GPHN: variants seen among roughly 807,000 people sequenced by gnomAD.
GPHN encodes the protein gephyrin.
Under a neutral mutation model 95.5 loss-of-function variants are expected in GPHN, and 17 were observed. The ratio of observed to expected loss-of-function variants is 0.18; its 90% CI spans 0.12 to 0.27. The LOEUF (loss-of-function observed/expected upper bound fraction) is 0.27. Among genes scored for constraint, GPHN ranks in the 10% least tolerant of loss-of-function variants. The probability of loss-of-function intolerance (pLI) is 1.00; values close to 1 mark genes in which losing one functional copy is unlikely to be tolerated. For missense variants in GPHN, 660 were observed against 978.1 expected (o/e 0.67, Z 4.34); for synonymous variants, 320 against 322.5 (o/e 0.99, Z 0.08).
the GPHN span, among the ~76,000 whole-genome samples, chr14:67,263,837 C>T: frequency 6.9e-6 from 1 of 144,728 alleles, no homozygotes; most frequent in South Asian, 2.3e-4. Flanking sequence ...ACTGCTTACT[C>T]AACCATTTAA....
chr14:66,997,473 G>A (rs550197268), intron 9 of GPHN, among the ~76,000 whole-genome samples: 1 of 151,182 alleles, frequency 6.6e-6, no homozygotes, highest in South Asian at 2.1e-4. Flanking sequence ...ATAGGCCACT[G>A]TAGCTACCAT....
the GPHN span, chr14:67,269,625 T>C: frequency 6.6e-6 from 1 of 152,642 alleles, no homozygotes; most frequent in East Asian, 1.9e-4. Flanking sequence ...GAATTAGTCT[T>C]TCTCTTCCTC....
chr14:67,337,191 G>A, the GPHN span, among the ~76,000 whole-genome samples: 1 of 152,200 alleles, frequency 6.6e-6, no homozygotes, highest in Non-Finnish European at 1.5e-5. Flanking sequence ...GATGTTAAAT[G>A]CTTGCAAAAT....
chr14:67,002,333 T>TTG (rs1375146054), intron 9 of GPHN, among the ~76,000 whole-genome samples: 2 of 142,402 alleles, frequency 1.4e-5, no homozygotes, highest in African/African-American at 5.2e-5. Context: ...TTTTTTTTTT[T>TTG]GGATACCTAG....
chr14:67,652,427 CACTA>C, the GPHN span: 2 of 185,196 alleles, frequency 1.1e-5, no homozygotes, highest in Non-Finnish European at 2.4e-5. Context: ...TATGCTGTTT[CACTA>C]ACTGAGAACC....
At chr14:66,734,972 A>G (rs1298745242) in intron 2 of GPHN, among the ~76,000 whole-genome samples, 1 of 152,348 alleles carries the variant, frequency 6.6e-6, no homozygotes, top group East Asian at 1.9e-4. Context: ...GTGTTAGGCA[A>G]GCTGTCTAGC....
At chr14:66,885,538 T>C (rs1201379375) in intron 5 of GPHN, among the ~76,000 whole-genome samples, 3 of 152,110 alleles carry the variant, frequency 2.0e-5, no homozygotes, top group Non-Finnish European at 4.4e-5. Flanking sequence ...TATTGTGGAT[T>C]ACTGCTTTAG....
the GPHN span, chr14:67,338,718 G>T: frequency 6.2e-7 from 1 of 1,613,524 alleles, no homozygotes; most frequent in South Asian, 1.1e-5. Context: ...GTCCTTCTCA[G>T]ATTTTTCCTT....
the GPHN span, chr14:67,572,177 T>C: frequency 6.2e-7 from 1 of 1,606,126 alleles, no homozygotes; most frequent in African/African-American, 1.3e-5. Context: ...GACTACGCCA[T>C]CCCCCCGGAC....
intron 21 of GPHN, among the ~76,000 whole-genome samples, chr14:67,171,132 TG>T (rs1304777611): frequency 6.6e-6 from 1 of 152,092 alleles, no homozygotes; most frequent in African/African-American, 2.4e-5. Flanking sequence ...GAGGATTGCA[TG>T]AGGCCAAGTG....
At chr14:67,602,559 C>T in the GPHN span, among the ~76,000 whole-genome samples, 1 of 152,158 alleles carries the variant, frequency 6.6e-6, no homozygotes, top group Non-Finnish European at 1.5e-5. Flanking sequence ...GAGATAAGTA[C>T]TGTTAATGTT....
At position 67,144,286 on chromosome 14, in the gene GPHN, T is replaced by TATATATATATAC. The variant is rs1421893686; in HGVS notation, c.1836+838_1836+839insTATATATATACA. Among the ~76,000 whole-genome samples the TATATATATATAC allele has an allele frequency of 1.9e-3, 148 of 78,088 alleles. 10 individuals carry two copies. The highest frequency in any genetic ancestry group is 3.4e-3 in the African/African-American group (53 of 15,662). The allele number at this position is 78,088 out of a possible 152,430, so 51.2% of individuals were successfully genotyped here. On this transcript the variant is annotated intron_variant, in intron 18 of 22. Coordinates refer to ENST00000478722, the MANE Select transcript of GPHN (RefSeq NM_020806.5). ...ATATATATATATATATATATATATA[T>TATATATATATAC]ACACACACACATACACAAATATTTT...
chr14:66,971,808 G>T (rs905911749), intron 9 of GPHN, among the ~76,000 whole-genome samples: 8 of 152,048 alleles, frequency 5.3e-5, no homozygotes, highest in Admixed American at 1.3e-4. Context: ...TGGTCATTTG[G>T]AAAATATAAA....
At position 66,924,220 on chromosome 14, in the gene GPHN, T is replaced by C; in HGVS notation, c.756T>C (p.Ala252=). The change falls in exon 8 of 23, where the codon GCT becomes GCC. Residue 252 remains alanine, a synonymous_variant. Transcript: ENST00000478722. ...AGCATCCATTCTACACCAGTCCTGCTGTTGTCATGGCACACGGTGAACAGC... is the reference window on the plus strand; with the variant it reads ...AGCATCCATTCTACACCAGTCCTGCCGTTGTCATGGCACACGGTGAACAGC... The part of the protein sequence containing the change: ...AKKHPFYTSP[A]VVMAHGEQPI... 1 of 1,608,596 alleles carries C rather than the reference T, an allele frequency of 6.2e-7. No homozygotes were observed. Among genetic ancestry groups the C allele is most frequent in the Non-Finnish European group, 8.5e-7 (1 of 1,174,952 alleles).
At chr14:67,394,903 TCA>T in the GPHN span, among the ~76,000 whole-genome samples, 3 of 152,228 alleles carry the variant, frequency 2.0e-5, no homozygotes, top group East Asian at 3.9e-4. Flanking sequence ...CTCAGCCCCC[TCA>T]CTGTGTGATG....
intron 9 of GPHN, among the ~76,000 whole-genome samples, chr14:66,979,672 G>T (rs1461525495): frequency 2.6e-5 from 4 of 152,266 alleles, no homozygotes; most frequent in Admixed American, 6.5e-5. Context: ...TCATTCATAT[G>T]TTCACTGGCG....
chr14:66,667,633 C>G (rs2066043970), intron 1 of GPHN, among the ~76,000 whole-genome samples: 1 of 152,136 alleles, frequency 6.6e-6, no homozygotes, highest in African/African-American at 2.4e-5. Context: ...CTTCCTGACA[C>G]CATACACAAG....
chr14:67,666,043 G>A, the GPHN span, among the ~76,000 whole-genome samples: 1 of 152,148 alleles, frequency 6.6e-6, no homozygotes, highest in Non-Finnish European at 1.5e-5. Context: ...GTATTATTTT[G>A]TAATAAGCTG....
the GPHN span, chr14:67,647,790 A>G: frequency 2.2e-6 from 1 of 452,364 alleles, no homozygotes; most frequent in South Asian, 3.3e-5. Context: ...GTAAGGCAGA[A>G]ATATACATTG....
Sources: allele counts gnomAD v4.1 joint callset (sites outside exome capture counted in the v4.1 genomes callset), GRCh38; gene constraint gnomAD v4.1.1; transcripts MANE v1.5; gene names NCBI Gene and HGNC (gene_info 2026-07-23, HGNC 2026-07-21).